Variants in MSRA observed in about 807,000 individuals in gnomAD.
MSRA encodes the protein mitochondrial peptide methionine sulfoxide reductase.
Under a neutral mutation model 31.3 loss-of-function variants are expected in MSRA, and 54 were observed. The ratio of observed to expected loss-of-function variants is 1.73; its 90% CI spans 1.39 to 2.17. The LOEUF (loss-of-function observed/expected upper bound fraction) is 2.17, where lower values mean the gene tolerates loss of function less well. MSRA is among the 30% of genes most tolerant of loss of function. The pLI, the probability that MSRA is intolerant of heterozygous loss-of-function variation, is 0.00. For synonymous variants in MSRA, 169 were observed against 116.5 expected (o/e 1.45, Z -2.90); for missense variants, 507 against 300.9 (o/e 1.69, Z -5.07).
At chr8:10,201,331 A>T (rs1367955249) in intron 1 of MSRA, among the ~76,000 whole-genome samples, 1 of 152,076 alleles carries the variant, frequency 6.6e-6, no homozygotes, top group East Asian at 1.9e-4. Context: ...CTTCTTGATG[A>T]CCGGCAGTTC....
At chr8:10,077,479 CTTTTTTTT>C (rs10714477) in intron 1 of MSRA, among the ~76,000 whole-genome samples, 1 of 101,240 alleles carries the variant, frequency 9.9e-6, no homozygotes, top group Non-Finnish European at 2.0e-5. Flanking sequence ...CTACCTTCTC[CTTTTTTTT>C]TTTTTTTTTT....
At chr8:10,132,511 T>C (rs1452975254) in intron 1 of MSRA, among the ~76,000 whole-genome samples, 2 of 152,284 alleles carry the variant, frequency 1.3e-5, no homozygotes, top group East Asian at 3.9e-4. Flanking sequence ...ATCAAGGCAC[T>C]GGCAGACTTG....
At chr8:10,126,471 G>A (rs1051344352) in intron 1 of MSRA, among the ~76,000 whole-genome samples, 1 of 152,050 alleles carries the variant, frequency 6.6e-6, no homozygotes, top group Non-Finnish European at 1.5e-5. Context: ...TCAGGATGCG[G>A]CTGTTCCACT....
At chr8:10,076,144 A>G (rs1797986512) in intron 1 of MSRA, among the ~76,000 whole-genome samples, 1 of 152,202 alleles carries the variant, frequency 6.6e-6, no homozygotes. Context: ...TGTAAAACAG[A>G]CAGTCGCTAT....
chr8:10,292,760 CTG>C (rs1366808735), intron 3 of MSRA, among the ~76,000 whole-genome samples: 1 of 152,198 alleles, frequency 6.6e-6, no homozygotes, highest in Non-Finnish European at 1.5e-5. Flanking sequence ...GCCTGGGACA[CTG>C]TGGACTGGGG....
At chr8:10,255,516 C>T (rs1798130251) in intron 3 of MSRA, among the ~76,000 whole-genome samples, 1 of 152,194 alleles carries the variant, frequency 6.6e-6, no homozygotes, top group Non-Finnish European at 1.5e-5. Flanking sequence ...TAAGGAGCTG[C>T]TGGCGACTGT....
intron 5 of MSRA, among the ~76,000 whole-genome samples, chr8:10,339,771 G>T (rs1487745549): frequency 6.9e-6 from 1 of 145,806 alleles, no homozygotes; most frequent in Non-Finnish European, 1.5e-5. Context: ...TCAATCTCCT[G>T]ACCTCGTGAT....
intron 1 of MSRA, among the ~76,000 whole-genome samples, chr8:10,091,592 C>G (rs1409107133): frequency 6.7e-5 from 10 of 149,996 alleles, no homozygotes. Context: ...AGTGAGATTG[C>G]TGGATCATAT....
intron 1 of MSRA, among the ~76,000 whole-genome samples, chr8:10,139,745 A>G (rs1054873333): frequency 2.6e-5 from 4 of 152,210 alleles, no homozygotes; most frequent in African/African-American, 9.6e-5. Context: ...TATATACACC[A>G]CATTTTCTTT....
intron 2 of MSRA, among the ~76,000 whole-genome samples, chr8:10,240,041 T>A (rs1463143346): frequency 6.6e-6 from 1 of 152,210 alleles, no homozygotes; most frequent in Non-Finnish European, 1.5e-5. Flanking sequence ...TGCATTTTCC[T>A]TGCTGCAAAG....
intron 4 of MSRA, among the ~76,000 whole-genome samples, chr8:10,312,634 T>G (rs927887195): frequency 6.6e-6 from 1 of 152,204 alleles, no homozygotes; most frequent in Non-Finnish European, 1.5e-5. Flanking sequence ...ATGACTATAT[T>G]TGCAGAAATC....
chr8:10,349,958 G>T (rs545044214), intron 5 of MSRA, among the ~76,000 whole-genome samples: 1 of 152,364 alleles, frequency 6.6e-6, no homozygotes, highest in Non-Finnish European at 1.5e-5. Context: ...CTCGCTGAAG[G>T]TTACAGTTTG....
chr8:10,321,126 C>G (rs988382489), intron 5 of MSRA, among the ~76,000 whole-genome samples: 1 of 152,058 alleles, frequency 6.6e-6, no homozygotes. Context: ...GTTGTGTACC[C>G]TTTTTTAAAA....
At chr8:10,340,312 A>G (rs1803343554) in intron 5 of MSRA, among the ~76,000 whole-genome samples, 1 of 152,230 alleles carries the variant, frequency 6.6e-6, no homozygotes, top group Non-Finnish European at 1.5e-5. Context: ...AATCAAAAAA[A>G]AAATGTATAT....
rs1807712953 is a variant in MSRA, at chr8:10,405,003, G to A, written c.544-23145G>A. On this transcript the variant is annotated intron_variant, in intron 5 of 5. Coordinates refer to ENST00000317173, the MANE Select transcript of MSRA (RefSeq NM_012331.5). ...GCCACAGTCACAGGCTCCAGATGTG[G>A]GGCCTGGGCCACCCTGTGCTCCCTC... 2.6e-5 allele frequency among the ~76,000 whole-genome samples: 4 copies of A among 152,290 alleles called. No individual in the cohort carries two copies. The South Asian group carries it at 8.3e-4, about 32-fold the overall frequency.
chr8:10,368,263 G>A (rs1805279659), intron 5 of MSRA, among the ~76,000 whole-genome samples: 1 of 152,232 alleles, frequency 6.6e-6, no homozygotes, highest in Non-Finnish European at 1.5e-5. Context: ...TTTACAGAGT[G>A]AGTCATTTTA....
At chr8:10,227,985 T>C (rs1811146551) in intron 2 of MSRA, among the ~76,000 whole-genome samples, 1 of 152,216 alleles carries the variant, frequency 6.6e-6, no homozygotes. Flanking sequence ...GTTCCTAGCA[T>C]CGTAGAGCTG....
At chr8:10,238,083 A>G (rs185174113) in intron 2 of MSRA, among the ~76,000 whole-genome samples, 186 of 152,232 alleles carry the variant, frequency 1.2e-3, no homozygotes, top group African/African-American at 4.3e-3. Flanking sequence ...GGCTTATCTG[A>G]TCTTTGTCCT....
At chr8:10,124,296 GC>G (rs199765288) in intron 1 of MSRA, among the ~76,000 whole-genome samples, 2,373 of 152,294 alleles carry the variant, frequency 0.016, 24 homozygotes, top group Non-Finnish European at 0.022. Context: ...CGAGAGAGAG[GC>G]TGAGGAGTGA....
Sources: allele counts gnomAD v4.1 joint callset (sites outside exome capture counted in the v4.1 genomes callset), GRCh38; gene constraint gnomAD v4.1.1; transcripts MANE v1.5; gene names NCBI Gene and HGNC (gene_info 2026-07-23, HGNC 2026-07-21).